The following WNK2 variants were observed in gnomAD, a reference collection of about 807,000 sequenced individuals.
The protein encoded by WNK2 is serine/threonine-protein kinase WNK2.
WNK2 carries 67 observed loss-of-function variants against 192.1 expected under a neutral mutation model. That is an observed-to-expected ratio of 0.35 (90% CI 0.29 to 0.43). The LOEUF (loss-of-function observed/expected upper bound fraction) is 0.43, where lower values mean the gene tolerates loss of function less well. WNK2 is among the 20% of genes least tolerant of loss of function. The pLI is 1.00. For missense variants in WNK2, 2,698 were observed against 3,089.7 expected, an observed-to-expected ratio of 0.87 and a Z score of 3.01; for synonymous variants, 1,439 against 1,393.9, an observed-to-expected ratio of 1.03 and a Z score of -0.72.
Position 93,256,469 on chromosome 9 carries a change from T to C in WNK2, c.2190+15T>C, listed in dbSNP as rs1207854544. ...CCGGCCAGCAGGTGAGTGTGGCACC[T>C]CCTGTGGCCACTGTCCCTCCAGGCA... On this transcript the variant is annotated intron_variant, in intron 10 of 29. Transcript: ENST00000427277. 6.6e-7 allele frequency: 1 copy of C among 1,505,648 alleles called. No individual in the cohort carries two copies. The highest frequency in any genetic ancestry group is 8.9e-7 in the Non-Finnish European group (1 of 1,128,294). 93.3% of individuals were successfully genotyped at this position (1,505,648 alleles called of 1,614,324 possible).
rs55867834 is a variant in WNK2 at position 93,292,794 on chromosome 9, G to A, written c.5329G>A (p.Glu1777Lys). ...TGCCCCACCCGACGTCTACCTGGACGAGGCCCCCTCCAGCCCCGACGTGAA... is the reference window on the plus strand; with the variant it reads ...TGCCCCACCCGACGTCTACCTGGACAAGGCCCCCTCCAGCCCCGACGTGAA... ...YSAPPDVYLD[E>K]APSSPDVKLA... Residue 1777 changes from glutamate (E) to lysine (K), a missense_variant, in exon 23 of 30, where the codon GAG becomes AAG. Glu to Lys is a moderately conservative substitution (Grantham distance 56). Transcript: ENST00000427277. 3.3e-5 allele frequency: 51 copies of A among 1,549,702 alleles called. No individual in the cohort carries two copies. Among genetic ancestry groups the A allele is most frequent in the East Asian group, 2.4e-4 (10 of 41,348 alleles).
chr9:93,276,650 G>A (rs577506328), intron 19 of WNK2, among the ~76,000 whole-genome samples: 1 of 152,308 alleles, frequency 6.6e-6, no homozygotes, highest in South Asian at 2.1e-4. Flanking sequence ...CTACAGACTG[G>A]TAGCCAATAA....
intron 2 of WNK2, among the ~76,000 whole-genome samples, chr9:93,194,177 C>T (rs572895411): frequency 8.5e-5 from 13 of 152,080 alleles, no homozygotes; most frequent in Admixed American, 2.6e-4. Flanking sequence ...GATATAACAC[C>T]AAAGGCACAG....
chr9:93,196,655 G>C (rs1344261536), intron 2 of WNK2, among the ~76,000 whole-genome samples: 1 of 152,126 alleles, frequency 6.6e-6, no homozygotes, highest in African/African-American at 2.4e-5. Flanking sequence ...GGATTCTCTG[G>C]TCTCCTTGGT....
Position 93,260,852 on chromosome 9 carries a change from G to A in WNK2, c.3067-962G>A, listed in dbSNP as rs118128424. 6.6e-3 allele frequency among the ~76,000 whole-genome samples: 1,004 copies of A among 152,290 alleles called. 4 individuals carry two copies. The highest frequency in any genetic ancestry group is 0.01 in the Non-Finnish European group (713 of 68,010). ...AGTCAGGTCTGTTTATCAGAAGGCC[G>A]AGGGCCACACCAGGGAGCAGGAGGG... On this transcript the variant is annotated intron_variant, in intron 12 of 29. Transcript: ENST00000427277.
chr9:93,189,003 CA>C (rs1829846830), intron 2 of WNK2, among the ~76,000 whole-genome samples: 1 of 152,180 alleles, frequency 6.6e-6, no homozygotes, highest in Non-Finnish European at 1.5e-5. Flanking sequence ...AACACTGTTC[CA>C]TGTGGCTCAG....
At chr9:93,258,683 T>C (rs960451252) in intron 11 of WNK2, among the ~76,000 whole-genome samples, 9 of 152,102 alleles carry the variant, frequency 5.9e-5, no homozygotes, top group African/African-American at 1.7e-4. Flanking sequence ...GAGCAGGTCA[T>C]TCCCAGCCTG....
chr9:93,199,285 G>A (rs1176321703), intron 2 of WNK2, among the ~76,000 whole-genome samples: 3 of 152,180 alleles, frequency 2.0e-5, no homozygotes, highest in African/African-American at 7.2e-5. Flanking sequence ...TGATTTTCTT[G>A]TTTTCAGGCT....
chr9:93,229,641 G>A lies in WNK2; in HGVS notation c.682-55G>A, dbSNP rs1193211781. On this transcript the variant is annotated intron_variant, in intron 2 of 29. Coordinates refer to ENST00000427277, the MANE Select transcript of WNK2 (RefSeq NM_006648.4). The surrounding 1 kb of genome is among the most constrained non-coding windows in gnomAD (Gnocchi z 4.9). ...GGCGCTGCTGGGATGTGACGCCACCGTGTCCCCTTCTGTGTCCCATCTCTT... is the reference window on the plus strand; with the variant it reads ...GGCGCTGCTGGGATGTGACGCCACCATGTCCCCTTCTGTGTCCCATCTCTT... 1.7e-5 allele frequency: 26 copies of A among 1,570,054 alleles called. No individual in the cohort carries two copies. The highest frequency in any genetic ancestry group is 2.3e-5 in the East Asian group (1 of 43,442).
At chr9:93,291,356 A>C (rs1849315187) in intron 21 of WNK2, among the ~76,000 whole-genome samples, 1 of 152,186 alleles carries the variant, frequency 6.6e-6, no homozygotes, top group Admixed American at 6.5e-5. Context: ...TACTCTTTCC[A>C]GAGTGTGGAA....
At chr9:93,262,755 G>A (rs753416877) in intron 14 of WNK2, 36 bp downstream of exon 14, 4 of 1,608,274 alleles carry the variant, frequency 2.5e-6, no homozygotes, top group Non-Finnish European at 3.4e-6. Flanking sequence ...CAGGACGGGT[G>A]TAGGGGCGCA....
At chr9:93,211,229 C>CTCATTTACTCACTCATCCACTTACTCAT (rs1834544403) in intron 2 of WNK2, among the ~76,000 whole-genome samples, 1 of 127,080 alleles carries the variant, frequency 7.9e-6, no homozygotes, top group Non-Finnish European at 1.6e-5. Context: ...CATCCACTCA[C>CTCATTTACTCACTCATCCACTTACTCAT]TCACTCACTC....
intron 23 of WNK2, 25 bp from the exon 24 acceptor site, chr9:93,297,828 C>T (rs1196890618): frequency 3.9e-5 from 61 of 1,547,454 alleles, no homozygotes; most frequent in Middle Eastern, 3.4e-4. Flanking sequence ...AGCCCATCGG[C>T]GCTCCCTCCT....
In WNK2 at chr9:93,267,855, G is replaced by A. The variant is rs34045106; in HGVS notation, c.3806G>A (p.Arg1269His). Residue 1269 changes from arginine to histidine, a missense_variant, in exon 17 of 30, where the codon CGT becomes CAT. By Grantham distance (29) the Arg-to-His change is conservative. Coordinates refer to ENST00000427277, the MANE Select transcript of WNK2 (RefSeq NM_006648.4). ...CTCAGCGAGGACACAGACGCCGACC[G>A]TGGCTCCGACCCAGGGACCAGCCCG... Reference protein sequence around the residue: ...DMLSEDTDADRGSDPGTSPPH... With the variant: ...DMLSEDTDADHGSDPGTSPPH... 7 of 1,611,276 alleles carry A rather than the reference G, an allele frequency of 4.3e-6. No individual in the cohort carries two copies. The African/African-American group carries it at 8.0e-5, about 18-fold the overall frequency.
At chr9:93,310,994 C>T (rs1853549311) in intron 28 of WNK2, among the ~76,000 whole-genome samples, 1 of 152,134 alleles carries the variant, frequency 6.6e-6, no homozygotes, top group Non-Finnish European at 1.5e-5. Flanking sequence ...TACTGTGCAG[C>T]CACCACCACT....
rs577783678 is a variant in WNK2 at position 93,223,501 on chromosome 9, C to T, written c.682-6195C>T. On this transcript the variant is annotated intron_variant, in intron 2 of 29. Coordinates refer to ENST00000427277, the MANE Select transcript of WNK2 (RefSeq NM_006648.4). ...GTAGTTGCATATTTATTGGTTTTCTCATCTGTTGGCTGCGTTCCCATGGGG... is the reference window on the plus strand; with the variant it reads ...GTAGTTGCATATTTATTGGTTTTCTTATCTGTTGGCTGCGTTCCCATGGGG... Among the ~76,000 whole-genome samples the T allele has an allele frequency of 5.3e-5, 8 of 152,316 alleles. No individual in the cohort carries two copies. The South Asian group carries it at 1.7e-3, about 32-fold the overall frequency.
At chr9:93,254,119 G>A (rs1437684653) in intron 9 of WNK2, among the ~76,000 whole-genome samples, 1 of 152,168 alleles carries the variant, frequency 6.6e-6, no homozygotes, top group Non-Finnish European at 1.5e-5. Flanking sequence ...GTTTCACCAT[G>A]TTGGCCAGCC....
chr9:93,306,913 C>G (rs759723690), intron 27 of WNK2, 92 bp downstream of exon 27: 160 of 1,533,956 alleles, frequency 1.0e-4, no homozygotes, highest in Non-Finnish European at 1.4e-4. Context: ...GCCGGGCGGG[C>G]GTGGGCCTGC....
intron 2 of WNK2, among the ~76,000 whole-genome samples, chr9:93,199,850 A>G (rs547679378): frequency 5.6e-5 from 8 of 142,820 alleles, no homozygotes; most frequent in African/African-American, 2.0e-4. Flanking sequence ...AGTGAGCCAG[A>G]TAGTGCCACT....
Sources: allele counts gnomAD v4.1 joint callset (sites outside exome capture counted in the v4.1 genomes callset), GRCh38; gene constraint gnomAD v4.1.1; non-coding constraint Gnocchi (gnomAD v3.1); transcripts MANE v1.5; gene names NCBI Gene and HGNC (gene_info 2026-07-23, HGNC 2026-07-21).